Variants in USP34 observed in about 807,000 individuals in gnomAD.
USP34 encodes ubiquitin specific peptidase 34, also known as ubiquitin carboxyl-terminal hydrolase 34.
USP34 carries 70 observed loss-of-function variants against 460.3 expected under a neutral mutation model. The observed-to-expected ratio is 0.15, with a 90% CI of 0.13 to 0.19. The LOEUF (loss-of-function observed/expected upper bound fraction) is 0.19, where lower values mean the gene tolerates loss of function less well. Ranked by LOEUF, USP34 falls within the 10% of genes least tolerant of loss-of-function variation. The probability of loss-of-function intolerance (pLI) is 1.00; values close to 1 mark genes in which losing one functional copy is unlikely to be tolerated. For missense variants in USP34, 3,985 were observed against 4,236.2 expected (o/e 0.94, Z 1.65); for synonymous variants, 1,647 against 1,405.3 (o/e 1.17, Z -3.85).
intron 48 of USP34, among the ~76,000 whole-genome samples, chr2:61,253,415 G>A (rs1010344173): frequency 4.6e-5 from 7 of 151,942 alleles, no homozygotes; most frequent in African/African-American, 1.7e-4. Flanking sequence ...TTTTATATAC[G>A]TCCCTAACTC....
intron 43 of USP34, among the ~76,000 whole-genome samples, chr2:61,262,122 T>TAA (rs1558497315): frequency 8.4e-6 from 1 of 118,448 alleles, no homozygotes. Flanking sequence ...AAAAAATATA[T>TAA]ATATATATAT....
rs72886865 is a variant in USP34 at position 61,419,719 on chromosome 2, A to G, written c.131+1027T>C. 6.6e-3 allele frequency among the ~76,000 whole-genome samples: 1,000 copies of G among 152,280 alleles called. 15 individuals carry two copies. Among genetic ancestry groups the G allele is most frequent in the African/African-American group, 0.022 (918 of 41,544 alleles). ...CCACCTAGCTGTAGTTACAATAATTAAAACTCAAGATTATGACTCAGACAC... is the reference window on the plus strand; with the variant it reads ...CCACCTAGCTGTAGTTACAATAATTGAAACTCAAGATTATGACTCAGACAC... On this transcript the variant is annotated intron_variant, in intron 2 of 79. Transcript: ENST00000398571.
rs539271895 is a variant in USP34 at position 61,214,926 on chromosome 2, A to C, written c.8048-232T>G. 1.8e-4 allele frequency among the ~76,000 whole-genome samples: 27 copies of C among 152,340 alleles called. No individual in the cohort carries two copies. In the South Asian group the frequency reaches 2.3e-3, roughly 13 times the overall value. On this transcript the variant is annotated intron_variant, in intron 67 of 79. Transcript: ENST00000398571. ...CATTGTTATTTTTGAAGTGGCAATA[A>C]TTTTTAAACCACTTTTCTTTAGCTT...
intron 1 of USP34, among the ~76,000 whole-genome samples, chr2:61,459,839 C>T (rs1025947131): frequency 6.6e-6 from 1 of 151,164 alleles, no homozygotes; most frequent in Admixed American, 6.6e-5. Flanking sequence ...GTGGGCAGAT[C>T]ACCTGAGGTC....
At chr2:61,322,580 G>C (rs1030429193) in intron 21 of USP34, among the ~76,000 whole-genome samples, 2 of 152,206 alleles carry the variant, frequency 1.3e-5, no homozygotes, top group Non-Finnish European at 2.9e-5. Context: ...GAACCAGAAG[G>C]GGCATGATGG....
chr2:61,415,088 C>T lies in USP34; in HGVS notation c.131+5658G>A, dbSNP rs552997517. Among the ~76,000 whole-genome samples the T allele has an allele frequency of 6.5e-4, 99 of 152,244 alleles. 1 individual carries two copies. Among genetic ancestry groups the T allele is most frequent in the South Asian group, 1.7e-3 (8 of 4,820 alleles). On this transcript the variant is annotated intron_variant, in intron 2 of 79. Coordinates refer to ENST00000398571, the MANE Select transcript of USP34 (RefSeq NM_014709.4). ...CCTTTTGTTACTCAGGGCGTGGAAT[C>T]TTAGGGTTTTCCTTTTAATTCTAGG...
At chr2:61,262,949 T>G (rs1688936924) in intron 43 of USP34, among the ~76,000 whole-genome samples, 1 of 152,178 alleles carries the variant, frequency 6.6e-6, no homozygotes, top group African/African-American at 2.4e-5. Flanking sequence ...ACTGAGCATT[T>G]TTTCATATGC....
At chr2:61,320,845 A>T (rs1462025298) in intron 21 of USP34, among the ~76,000 whole-genome samples, 3 of 152,204 alleles carry the variant, frequency 2.0e-5, no homozygotes, top group African/African-American at 4.8e-5. Flanking sequence ...CCCCGTCTCT[A>T]CTAAAAATAC....
At chr2:61,368,988 T>A (rs956764234) in intron 10 of USP34, among the ~76,000 whole-genome samples, 2 of 151,496 alleles carry the variant, frequency 1.3e-5, no homozygotes, top group Non-Finnish European at 1.5e-5. Context: ...ATAAAAAAAA[T>A]AAGAAAAACA....
chr2:61,265,180 G>C, intron 43 of USP34: 1 of 519,830 alleles, frequency 1.9e-6, no homozygotes, highest in East Asian at 3.5e-5. Flanking sequence ...TTCCATAGCT[G>C]TGTTTTCCTT....
intron 2 of USP34, among the ~76,000 whole-genome samples, chr2:61,416,613 G>GT (rs1200029386): frequency 3.9e-5 from 6 of 152,126 alleles, no homozygotes; most frequent in Admixed American, 1.3e-4. Context: ...ATGCTCTGTG[G>GT]TATCGGTGCT....
chr2:61,261,859 C>A (rs1352092825), intron 43 of USP34, among the ~76,000 whole-genome samples: 1 of 151,704 alleles, frequency 6.6e-6, no homozygotes, highest in East Asian at 1.9e-4. Context: ...AATCCCAGCA[C>A]TTTGGGAGGC....
rs1687056713 is a variant in USP34, at chr2:61,204,352, T to A, written c.9288A>T (p.Arg3096=). ...PMSLGPYFPC[R]ENIKLIGGKS... is the part of the protein sequence containing the mutation. ...TCCCTCCTATTAGCTTGATATTTTC[T>A]CGACAAGGGAAATAAGGTCCAAGAG... Residue 3096 remains arginine (R), a synonymous_variant, in exon 74 of 80, where the codon CGA becomes CGT. Coordinates refer to ENST00000398571, the MANE Select transcript of USP34 (RefSeq NM_014709.4). 1.9e-6 allele frequency: 3 copies of A among 1,614,154 alleles called. No homozygotes were observed. The South Asian group carries it at 3.3e-5, about 18-fold the overall frequency.
At chr2:61,373,063 G>A (rs1355300026) in intron 8 of USP34, among the ~76,000 whole-genome samples, 3 of 152,120 alleles carry the variant, frequency 2.0e-5, no homozygotes, top group African/African-American at 7.2e-5. Context: ...CAGTAATGGA[G>A]CTACGTAGGA....
chr2:61,457,891 G>A (rs922688707), intron 1 of USP34, among the ~76,000 whole-genome samples: 1 of 152,118 alleles, frequency 6.6e-6, no homozygotes, highest in African/African-American at 2.4e-5. Flanking sequence ...ACCATTTTAT[G>A]AAGAGGGTGG....
chr2:61,372,669 T>C (rs1225721761), intron 8 of USP34, among the ~76,000 whole-genome samples: 1 of 152,136 alleles, frequency 6.6e-6, no homozygotes, highest in African/African-American at 2.4e-5. Flanking sequence ...AATCGTGCTG[T>C]TGCTGCACTC....
chr2:61,285,061 T>G (rs1689647013), intron 34 of USP34, 104 bp from the exon 35 acceptor site: 1 of 823,408 alleles, frequency 1.2e-6, no homozygotes, highest in Non-Finnish European at 1.8e-6. Flanking sequence ...TTACAAAATT[T>G]TAACCCAAAA....
intron 43 of USP34, among the ~76,000 whole-genome samples, chr2:61,261,507 G>C (rs1216909113): frequency 6.6e-6 from 1 of 152,272 alleles, no homozygotes; most frequent in Middle Eastern, 3.4e-3. Context: ...GGTTGGGAGG[G>C]AGAATGGAGA....
At chr2:61,291,978 G>A (rs1345298968) in intron 33 of USP34, among the ~76,000 whole-genome samples, 1 of 152,102 alleles carries the variant, frequency 6.6e-6, no homozygotes, top group Non-Finnish European at 1.5e-5. Flanking sequence ...TATATTGTAT[G>A]GTTCCATTTA....
Sources: gnomAD v4.1 joint callset for allele counts (sites outside exome capture counted in the v4.1 genomes callset) on GRCh38, gnomAD v4.1.1 for gene constraint, MANE v1.5 for transcripts, NCBI Gene and HGNC (gene_info 2026-07-23, HGNC 2026-07-21) for gene names.